Variants in KIRREL3 observed in about 807,000 individuals in gnomAD.
The protein encoded by KIRREL3 is kin of IRRE-like protein 3.
Under a neutral mutation model 89.7 loss-of-function variants are expected in KIRREL3, and 36 were observed. The ratio of observed to expected loss-of-function variants is 0.40; its 90% CI spans 0.31 to 0.53. KIRREL3 has a LOEUF of 0.53. Among genes scored for constraint, KIRREL3 ranks in the 20% least tolerant of loss-of-function variants. KIRREL3 has a pLI of 0.49. For missense variants in KIRREL3, 864 were observed against 1,056.6 expected, an observed-to-expected ratio of 0.82 and a Z score of 2.53; for synonymous variants, 445 against 441.4, an observed-to-expected ratio of 1.01 and a Z score of -0.10.
At chr11:126,803,047 G>A (rs1424834216) in intron 1 of KIRREL3, among the ~76,000 whole-genome samples, 1 of 152,184 alleles carries the variant, frequency 6.6e-6, no homozygotes, top group Non-Finnish European at 1.5e-5. Flanking sequence ...AAAATTAAGT[G>A]CCAGCCCAGA....
chr11:126,841,575 C>T lies in KIRREL3; in HGVS notation c.55+158880G>A, dbSNP rs548513671. 1.6e-4 allele frequency among the ~76,000 whole-genome samples: 24 copies of T among 152,330 alleles called. No homozygotes were observed. The South Asian group carries it at 4.8e-3, about 30-fold the overall frequency. On this transcript the variant is annotated intron_variant, in intron 1 of 16. Coordinates refer to ENST00000525144, the MANE Select transcript of KIRREL3 (RefSeq NM_032531.4). ...AGTCTGGCCCAATGGATGGCTGTGC[C>T]CTCAAAGGCAGAGGTCCATCTTATT... is the stretch of plus-strand genomic sequence containing the variant.
intron 2 of KIRREL3, among the ~76,000 whole-genome samples, chr11:126,552,041 C>A (rs1486027457): frequency 6.6e-6 from 1 of 152,240 alleles, no homozygotes; most frequent in Non-Finnish European, 1.5e-5. Context: ...GGATACCAAG[C>A]AAAGAGACAA....
intron 4 of KIRREL3, among the ~76,000 whole-genome samples, chr11:126,483,543 C>T (rs537513724): frequency 2.8e-4 from 42 of 152,322 alleles, no homozygotes; most frequent in Non-Finnish European, 5.6e-4. Context: ...CACTTCCCTC[C>T]GATCCATTCT....
At chr11:126,831,480 C>G (rs1943606870) in intron 1 of KIRREL3, among the ~76,000 whole-genome samples, 1 of 148,680 alleles carries the variant, frequency 6.7e-6, no homozygotes, top group African/African-American at 2.5e-5. Flanking sequence ...TTTTGAATAG[C>G]CATCCCAGAC....
intron 1 of KIRREL3, among the ~76,000 whole-genome samples, chr11:126,919,517 C>T (rs531288253): frequency 2.0e-5 from 3 of 152,332 alleles, no homozygotes; most frequent in Non-Finnish European, 4.4e-5. Flanking sequence ...GATGTCCAGT[C>T]ACCACCCAAG....
chr11:126,799,381 TGC>T (rs1258464923), intron 1 of KIRREL3, among the ~76,000 whole-genome samples: 1 of 108,016 alleles, frequency 9.3e-6, no homozygotes, highest in African/African-American at 4.4e-5. Flanking sequence ...TGTGTGTGCA[TGC>T]GTGTATCTGT....
In KIRREL3 at chr11:126,622,547, G is replaced by A. The variant is rs1354170363; in HGVS notation, c.56-59635C>T. 6.6e-6 allele frequency among the ~76,000 whole-genome samples: 1 copy of A among 152,174 alleles called. No individual in the cohort carries two copies. Among genetic ancestry groups the A allele is most frequent in the African/African-American group, 2.4e-5 (1 of 41,452 alleles). Reference sequence around the variant, plus strand: ...GCACCTTCATTACAAAAGTTAGCCAGGTATGGTGGCATGTGCCTGTAATCC... The same window carrying A: ...GCACCTTCATTACAAAAGTTAGCCAAGTATGGTGGCATGTGCCTGTAATCC... On this transcript the variant is annotated intron_variant, in intron 1 of 16. Transcript: ENST00000525144. This position sits in a 1 kb window ranked among gnomAD's most constrained non-coding sequence, Gnocchi z 5.2.
chr11:126,847,261 A>G (rs1944178699), intron 1 of KIRREL3, among the ~76,000 whole-genome samples: 1 of 152,194 alleles, frequency 6.6e-6, no homozygotes, highest in Admixed American at 6.5e-5. Flanking sequence ...TTCCAAAATT[A>G]TGTGTAACTC....
In KIRREL3 at chr11:126,431,509, C is replaced by T. The variant is rs767576175; in HGVS notation, c.1606G>A (p.Val536Ile). The T allele has an allele frequency of 5.4e-5, 87 of 1,613,662 alleles. No homozygotes were observed. The South Asian group carries it at 5.6e-4, about 10-fold the overall frequency. The part of the protein sequence containing the change: ...GLEAESVPMA[V>I]IIGVAVGAGV... ...GCTCCTACGGCCACCCCAATGATGA[C>T]GGCCATCGGCACAGACTCTGTGGGA... The change falls in exon 14 of 17, where the codon GTC (valine) becomes ATC (isoleucine). Residue 536 changes from valine to isoleucine, a missense_variant. Physicochemically the swap from Val to Ile is conservative, Grantham distance 29. Coordinates refer to ENST00000525144, the MANE Select transcript of KIRREL3 (RefSeq NM_032531.4). The surrounding 1 kb of genome is among the most constrained non-coding windows in gnomAD (Gnocchi z 7.1).
intron 1 of KIRREL3, among the ~76,000 whole-genome samples, chr11:126,827,129 C>T (rs1270615904): frequency 1.3e-5 from 2 of 152,012 alleles, no homozygotes; most frequent in South Asian, 2.1e-4. Context: ...ACATTCACCC[C>T]TCAGAGCCCC....
At position 126,990,721 on chromosome 11, in the gene KIRREL3, C is replaced by G. The variant is rs548401726; in HGVS notation, c.55+9734G>C. Among the ~76,000 whole-genome samples, 1 of 152,230 alleles carries G rather than the reference C, an allele frequency of 6.6e-6. No homozygotes were observed. The highest frequency in any genetic ancestry group is 2.4e-5 in the African/African-American group (1 of 41,460). On this transcript the variant is annotated intron_variant, in intron 1 of 16. Coordinates refer to ENST00000525144, the MANE Select transcript of KIRREL3 (RefSeq NM_032531.4). This position sits in a 1 kb window ranked among gnomAD's most constrained non-coding sequence, Gnocchi z 6.3. Reference sequence around the variant, plus strand: ...GAAAAAGGCTTCAGAGGGCATCTCCCTGAAGAAACAGAACTCCTTGTGAAT... The same window carrying G: ...GAAAAAGGCTTCAGAGGGCATCTCCGTGAAGAAACAGAACTCCTTGTGAAT...
In KIRREL3 at chr11:126,979,360, T is replaced by G. The variant is rs569564866; in HGVS notation, c.55+21095A>C. Reference sequence around the variant, plus strand: ...TTAAAATACAAACTAGCACAAGTAATAGGCCTTAAGAACAACATTACAATA... The same window carrying G: ...TTAAAATACAAACTAGCACAAGTAAGAGGCCTTAAGAACAACATTACAATA... On this transcript the variant is annotated intron_variant, in intron 1 of 16. Transcript: ENST00000525144. Among the ~76,000 whole-genome samples the G allele has an allele frequency of 3.9e-5, 6 of 152,346 alleles. No homozygotes were observed. The East Asian group carries it at 1.2e-3, about 29-fold the overall frequency.
chr11:126,660,737 C>T (rs1945361268), intron 1 of KIRREL3, among the ~76,000 whole-genome samples: 1 of 152,150 alleles, frequency 6.6e-6, no homozygotes, highest in Non-Finnish European at 1.5e-5. Context: ...AAAACTGTCC[C>T]ACAGCTAGAA....
chr11:126,828,180 CT>C (rs1272033062), intron 1 of KIRREL3, among the ~76,000 whole-genome samples: 1 of 152,216 alleles, frequency 6.6e-6, no homozygotes, highest in Non-Finnish European at 1.5e-5. Context: ...ATCACCCATG[CT>C]GTTTATTACT....
rs568558468 is a variant in KIRREL3, at chr11:126,550,743, T to C, written c.133+12092A>G. ...CACAAAAACAGCTGGGTGTGAAATGTTGGAGAAAACTCTCCCCAACTGCAT... is the reference window on the plus strand; with the variant it reads ...CACAAAAACAGCTGGGTGTGAAATGCTGGAGAAAACTCTCCCCAACTGCAT... On this transcript the variant is annotated intron_variant, in intron 2 of 16. Coordinates refer to ENST00000525144, the MANE Select transcript of KIRREL3 (RefSeq NM_032531.4). This position sits in a 1 kb window ranked among gnomAD's most constrained non-coding sequence, Gnocchi z 4.9. The C allele has an allele frequency of 6.6e-6, 1 of 152,168 alleles. No homozygotes were observed. The highest frequency in any genetic ancestry group is 1.9e-4 in the East Asian group (1 of 5,168). The allele number at this position is 152,168 out of a possible 1,614,324, so 9.4% of individuals were successfully genotyped here.
At chr11:126,868,850 G>A (rs1945009594) in intron 1 of KIRREL3, among the ~76,000 whole-genome samples, 1 of 152,208 alleles carries the variant, frequency 6.6e-6, no homozygotes, top group Admixed American at 6.5e-5. Context: ...TGGCAGATTA[G>A]GTGTCTGGGG....
chr11:126,945,963 C>T (rs1037111237), intron 1 of KIRREL3, among the ~76,000 whole-genome samples: 2 of 152,158 alleles, frequency 1.3e-5, no homozygotes, highest in Admixed American at 6.5e-5. Context: ...GAGCATCCAC[C>T]ATATATCAGA....
rs142468697 is a variant in KIRREL3 at position 126,834,209 on chromosome 11, C to G, written c.55+166246G>C. On this transcript the variant is annotated intron_variant, in intron 1 of 16. Transcript: ENST00000525144. ...TTTTTAGTGCTTTCTGATCCCAGCA[C>G]ATTATCTCTGTTTTGCAAGCTGGGA... 7.2e-4 allele frequency among the ~76,000 whole-genome samples: 109 copies of G among 152,292 alleles called. 1 individual carries two copies. The highest frequency in any genetic ancestry group is 2.6e-3 in the African/African-American group (107 of 41,556).
At chr11:126,873,172 T>C (rs1320550479) in intron 1 of KIRREL3, among the ~76,000 whole-genome samples, 1 of 152,204 alleles carries the variant, frequency 6.6e-6, no homozygotes, top group Non-Finnish European at 1.5e-5. Flanking sequence ...TAAGATAGCT[T>C]GACAAGAATG....
Sources: allele counts gnomAD v4.1 joint callset (sites outside exome capture counted in the v4.1 genomes callset), GRCh38; gene constraint gnomAD v4.1.1; non-coding constraint Gnocchi (gnomAD v3.1); transcripts MANE v1.5; gene names NCBI Gene and HGNC (gene_info 2026-07-23, HGNC 2026-07-21).